Variants in PIEZO2 observed in about 807,000 individuals in gnomAD.
PIEZO2 encodes piezo-type mechanosensitive ion channel component 2.
Under a neutral mutation model 337.3 loss-of-function variants are expected in PIEZO2, and 172 were observed. That is an observed-to-expected ratio of 0.51 (90% confidence interval 0.45 to 0.58). PIEZO2 has a LOEUF of 0.58. Among genes scored for constraint, PIEZO2 ranks in the 20% least tolerant of loss-of-function variants. The pLI is 0.00. For synonymous variants in PIEZO2, 1,251 were observed against 1,228.5 expected (o/e 1.02, Z -0.38); for missense variants, 3,028 against 3,391.3 (o/e 0.89, Z 2.66).
At chr18:10,817,476 T>C (rs2040395337) in intron 7 of PIEZO2, among the ~76,000 whole-genome samples, 1 of 152,164 alleles carries the variant, frequency 6.6e-6, no homozygotes, top group South Asian at 2.1e-4. Context: ...GTGTAAAAAA[T>C]TTATAAGGCA....
intron 7 of PIEZO2, among the ~76,000 whole-genome samples, chr18:10,849,987 T>C (rs534018294): frequency 6.6e-6 from 1 of 152,336 alleles, no homozygotes; most frequent in South Asian, 2.1e-4. Context: ...TTTGCAGTTA[T>C]TGTTATAATA....
rs7228398 is a variant in PIEZO2 at position 10,830,758 on chromosome 18, A to G, written c.918-23484T>C. ...TAAAGAGACAATTCACAGAATGGGA[A>G]AAAATACTTGCAGACCATCCATCTG... On this transcript the variant is annotated intron_variant, in intron 7 of 55. Coordinates refer to ENST00000674853, the MANE Select transcript of PIEZO2 (RefSeq NM_001378183.1). The surrounding 1 kb of genome is among the most constrained non-coding windows in gnomAD (Gnocchi z 4.7). Among the ~76,000 whole-genome samples, 4,491 of 152,262 alleles carry G rather than the reference A, an allele frequency of 0.029. 143 individuals carry two copies. The highest frequency in any genetic ancestry group is 0.084 in the African/African-American group (3,485 of 41,540).
chr18:10,904,576 G>A (rs181060372), intron 4 of PIEZO2, among the ~76,000 whole-genome samples: 1 of 152,310 alleles, frequency 6.6e-6, no homozygotes, highest in East Asian at 1.9e-4. Flanking sequence ...AGGCAGAGGT[G>A]GCATACTTCA....
intron 2 of PIEZO2, among the ~76,000 whole-genome samples, chr18:11,024,726 C>T (rs2036469093): frequency 6.6e-6 from 1 of 151,810 alleles, no homozygotes; most frequent in African/African-American, 2.4e-5. Context: ...CTGCAACCTT[C>T]GTCTCCTGGA....
rs761864005 is a variant in PIEZO2, at chr18:10,861,507, A to G, written c.493-4296T>C. Among the ~76,000 whole-genome samples, 26 of 152,370 alleles carry G rather than the reference A, an allele frequency of 1.7e-4. No individual in the cohort carries two copies. Among genetic ancestry groups the G allele is most frequent in the Middle Eastern group, 3.4e-3 (1 of 294 alleles). On this transcript the variant is annotated intron_variant, in intron 5 of 55. Coordinates refer to ENST00000674853, the MANE Select transcript of PIEZO2 (RefSeq NM_001378183.1). The surrounding 1 kb of genome is among the most constrained non-coding windows in gnomAD (Gnocchi z 4.3). ...TAATTGAAATAAGCCAGGCACAGAA[A>G]GACAAATACGGCATGATCTCACTTA...
intron 2 of PIEZO2, among the ~76,000 whole-genome samples, chr18:10,992,694 T>C (rs2035155857): frequency 6.6e-6 from 1 of 152,206 alleles, no homozygotes; most frequent in Non-Finnish European, 1.5e-5. Flanking sequence ...TTGCTTAGGA[T>C]TGCCTTGGCT....
intron 47 of PIEZO2, among the ~76,000 whole-genome samples, chr18:10,692,399 C>T (rs59740748): frequency 0.19 from 29,562 of 152,078 alleles, 2,946 homozygotes; most frequent in East Asian, 0.35. Context: ...TGTTTTGATA[C>T]AAGCACCATA....
intron 3 of PIEZO2, among the ~76,000 whole-genome samples, chr18:10,966,630 T>C (rs1261896214): frequency 6.6e-6 from 1 of 152,140 alleles, no homozygotes; most frequent in Non-Finnish European, 1.5e-5. Context: ...AATTATTTTT[T>C]ATTTTTATAG....
chr18:10,934,488 G>A (rs758091733), intron 3 of PIEZO2, among the ~76,000 whole-genome samples: 1 of 152,136 alleles, frequency 6.6e-6, no homozygotes, highest in Non-Finnish European at 1.5e-5. Flanking sequence ...CGCAAGTCAG[G>A]TAGAAAACCC....
intron 5 of PIEZO2, among the ~76,000 whole-genome samples, chr18:10,867,714 T>A (rs2042042344): frequency 6.6e-6 from 1 of 152,208 alleles, no homozygotes; most frequent in Non-Finnish European, 1.5e-5. Context: ...AGCATAGGAT[T>A]ATATAAGATA....
intron 7 of PIEZO2, among the ~76,000 whole-genome samples, chr18:10,841,900 A>T (rs1233193912): frequency 6.6e-6 from 1 of 152,224 alleles, no homozygotes; most frequent in Non-Finnish European, 1.5e-5. Flanking sequence ...GTGGTGGCTC[A>T]CACCTGTAAG....
intron 4 of PIEZO2, among the ~76,000 whole-genome samples, chr18:10,889,038 T>C (rs2042684784): frequency 6.6e-6 from 1 of 151,954 alleles, no homozygotes. Context: ...GAAGGAAAAA[T>C]GGAAAGGCAA....
intron 47 of PIEZO2, among the ~76,000 whole-genome samples, chr18:10,692,663 C>T (rs1429333095): frequency 2.0e-5 from 3 of 152,212 alleles, no homozygotes; most frequent in Admixed American, 6.5e-5. Context: ...TTCCCTACAT[C>T]AGCTGAATTG....
At position 11,021,276 on chromosome 18, in the gene PIEZO2, C is replaced by A. The variant is rs533897280; in HGVS notation, c.161-41616G>T. On this transcript the variant is annotated intron_variant, in intron 2 of 55. Transcript: ENST00000674853. The surrounding 1 kb of genome is among the most constrained non-coding windows in gnomAD (Gnocchi z 4.7). Reference sequence around the variant, plus strand: ...CAGCTAATCTCCCTGGAAAGAACTCCCAAACCGGTTTTCCATGGACCCAAA... The same window carrying A: ...CAGCTAATCTCCCTGGAAAGAACTCACAAACCGGTTTTCCATGGACCCAAA... Among the ~76,000 whole-genome samples, 96 of 152,298 alleles carry A rather than the reference C, an allele frequency of 6.3e-4. No homozygotes were observed. The highest frequency in any genetic ancestry group is 3.4e-3 in the Middle Eastern group (1 of 294).
At chr18:10,747,106 C>A (rs1238559060) in intron 30 of PIEZO2, among the ~76,000 whole-genome samples, 1 of 152,196 alleles carries the variant, frequency 6.6e-6, no homozygotes, top group East Asian at 1.9e-4. Flanking sequence ...CAACTCACGG[C>A]TTTTCTTCAA....
chr18:10,797,447 T>C lies in PIEZO2; in HGVS notation c.1454A>G (p.Lys485Arg). ...GAATACGGAGACCATGGCATGAACT[T>C]TGATACTTCTTTTTTCCTCACGGCT... ...ERSREEKRSI[K>R]VHAMVSVFQF... Residue 485 changes from lysine (K) to arginine (R), a missense_variant, in exon 12 of 56, where the codon AAA becomes AGA. By Grantham distance (26) the Lys-to-Arg change is conservative. Coordinates refer to ENST00000674853, the MANE Select transcript of PIEZO2 (RefSeq NM_001378183.1). 6.5e-7 allele frequency: 1 copy of C among 1,537,208 alleles called. No individual in the cohort carries two copies. Among genetic ancestry groups the C allele is most frequent in the Non-Finnish European group, 8.7e-7 (1 of 1,146,904 alleles).
chr18:11,075,865 T>C (rs2038523181), intron 1 of PIEZO2, among the ~76,000 whole-genome samples: 2 of 149,490 alleles, frequency 1.3e-5, no homozygotes, highest in Admixed American at 1.4e-4. Context: ...CTCCGCTCAC[T>C]GCAAGCTCTG....
chr18:10,981,751 A>G (rs1598778776), intron 2 of PIEZO2, among the ~76,000 whole-genome samples: 1 of 152,328 alleles, frequency 6.6e-6, no homozygotes, highest in African/African-American at 2.4e-5. Flanking sequence ...TCAGCTGCCA[A>G]TGTGGCTAGG....
chr18:10,850,528 TTGTTGC>T lies in PIEZO2; in HGVS notation c.917+4819_917+4824del, dbSNP rs2041513797. 1.3e-5 allele frequency among the ~76,000 whole-genome samples: 2 copies of T among 152,200 alleles called. No individual in the cohort carries two copies. The highest frequency in any genetic ancestry group is 2.9e-5 in the Non-Finnish European group (2 of 68,036). ...TTAGATTTAGAAGTAATGTGGGCAC[TTGTTGC>T]AGCCTTATTCATGAGAACAAAAATG... On this transcript the variant is annotated intron_variant, in intron 7 of 55. Transcript: ENST00000674853. The surrounding 1 kb of genome is among the most constrained non-coding windows in gnomAD (Gnocchi z 4.5).
Sources: allele counts gnomAD v4.1 joint callset (sites outside exome capture counted in the v4.1 genomes callset), GRCh38; gene constraint gnomAD v4.1.1; non-coding constraint Gnocchi (gnomAD v3.1); transcripts MANE v1.5; gene names NCBI Gene and HGNC (gene_info 2026-07-23, HGNC 2026-07-21).